Variants in NCCRP1 observed in about 807,000 individuals in gnomAD.
The protein encoded by NCCRP1 is NCCRP1, F-box associated domain containing.
NCCRP1 carries 32 observed loss-of-function variants against 34.4 expected under a neutral mutation model. The ratio of observed to expected loss-of-function variants is 0.93; its 90% confidence interval spans 0.70 to 1.25. The LOEUF is 1.25. NCCRP1 is among the 50% of genes most tolerant of loss of function. The pLI, the probability that NCCRP1 is intolerant of heterozygous loss-of-function variation, is 0.00. For missense variants in NCCRP1, 372 were observed against 391.8 expected, an observed-to-expected ratio of 0.95 and a Z score of 0.43; for synonymous variants, 172 against 180.1, an observed-to-expected ratio of 0.95 and a Z score of 0.36.
rs1385716377 is a variant in NCCRP1 at position 39,200,158 on chromosome 19, T to C, written c.549-188T>C. ...TTGGTGGCATGCCTGCCTCCCTCAC[T>C]GGACTGTGAATCCCATGTGGCAGGG... On this transcript the variant is annotated intron_variant, in intron 4 of 5. Coordinates refer to ENST00000339852, the MANE Select transcript of NCCRP1 (RefSeq NM_001001414.2). This position sits in a 1 kb window ranked among gnomAD's most constrained non-coding sequence, Gnocchi z 5.8. 6.6e-6 allele frequency among the ~76,000 whole-genome samples: 1 copy of C among 152,214 alleles called. No individual in the cohort carries two copies. The highest frequency in any genetic ancestry group is 1.5e-5 in the Non-Finnish European group (1 of 68,042).
chr19:39,198,088 C>A lies in NCCRP1; in HGVS notation c.373C>A (p.Pro125Thr). 4 of 1,614,116 alleles carry A rather than the reference C, an allele frequency of 2.5e-6. No homozygotes were observed. The highest frequency in any genetic ancestry group is 3.4e-6 in the Non-Finnish European group (4 of 1,180,034). Residue 125 changes from proline to threonine, a missense_variant, in exon 2 of 6, where the codon CCC (proline) becomes ACC (threonine). Physicochemically the swap from Pro to Thr is conservative, Grantham distance 38. Transcript: ENST00000339852. ...TTATGAGCCAGCACCCCCTACTGGT[C>A]CCACCCAGCGACCCCTGGAAACTCT... ...NIYEPAPPTG[P>T]TQRPLETLGN...
intron 3 of NCCRP1, 122 bp downstream of exon 3, chr19:39,198,375 T>C (rs1359420729): frequency 2.8e-6 from 3 of 1,084,676 alleles, no homozygotes; most frequent in Admixed American, 3.7e-5. Context: ...TAAACAGGGT[T>C]AGCATAAGAG....
At chr19:39,199,509 C>CTTTTTTT (rs150534648) in intron 4 of NCCRP1, among the ~76,000 whole-genome samples, 13 of 67,864 alleles carry the variant, frequency 1.9e-4, no homozygotes, top group African/African-American at 2.5e-4. Flanking sequence ...TTTTTTCTTT[C>CTTTTTTT]TTTTTTTTTT....
intron 3 of NCCRP1, 69 bp downstream of exon 3, chr19:39,198,322 G>A: frequency 6.5e-7 from 1 of 1,546,034 alleles, no homozygotes; most frequent in Non-Finnish European, 8.9e-7. Flanking sequence ...GTGAGACCTG[G>A]AGAAACTGAC....
In NCCRP1 at chr19:39,200,481, C is replaced by T. The variant is rs968503038; in HGVS notation, c.684C>T (p.Val228=). 2 of 1,612,474 alleles carry T rather than the reference C, an allele frequency of 1.2e-6. No individual in the cohort carries two copies. The highest frequency in any genetic ancestry group is 1.3e-5 in the African/African-American group (1 of 74,918). The change falls in exon 5 of 6, where the codon GTC becomes GTT. Residue 228 remains valine, a synonymous_variant. Transcript: ENST00000339852. The surrounding 1 kb of genome is among the most constrained non-coding windows in gnomAD (Gnocchi z 5.8). ...TSGRGPPGRW[V]QVSHVFRHYG... ...GGAGAGGACCCCCTGGCCGCTGGGT[C>T]CAGGTGAGACTCTCCGCGCCGGGGC...
rs2144929897 is a variant in NCCRP1, at chr19:39,197,205, G to A, written c.223G>A (p.Glu75Lys). 1 of 1,436,406 alleles carries A rather than the reference G, an allele frequency of 7.0e-7. No homozygotes were observed. Among genetic ancestry groups the A allele is most frequent in the Admixed American group, 3.1e-5 (1 of 32,512 alleles). The allele number at this position is 1,436,406 out of a possible 1,614,324, so 89.0% of individuals were successfully genotyped here. ...SEAHARQLLLEEWGPLSGGLE... is the reference protein window; with the variant it reads ...SEAHARQLLLKEWGPLSGGLE... Reference sequence around the variant, plus strand: ...GGCTCACGCCCGGCAGCTGCTGCTGGAGGAGTGGGGGCCGCTGAGCGGGGG... The same window carrying A: ...GGCTCACGCCCGGCAGCTGCTGCTGAAGGAGTGGGGGCCGCTGAGCGGGGG... The change falls in exon 1 of 6, where the codon GAG becomes AAG. Residue 75 changes from glutamate to lysine, a missense_variant. Coordinates refer to ENST00000339852, the MANE Select transcript of NCCRP1 (RefSeq NM_001001414.2).
rs1354092863 is a variant in NCCRP1 at position 39,201,780 on chromosome 19, G to A, written c.*1024G>A. 6.6e-6 allele frequency: 1 copy of A among 152,202 alleles called. No individual in the cohort carries two copies. The highest frequency in any genetic ancestry group is 2.4e-5 in the African/African-American group (1 of 41,434). The allele number at this position is 152,202 out of a possible 1,614,324, so 9.4% of individuals were successfully genotyped here. ...TCTATCAAAGTCCCTCATTCATGAG[G>A]GTGGTGAGGACACAGACTGCGACCA... On this transcript the variant is annotated 3_prime_UTR_variant, in exon 6 of 6. Coordinates refer to ENST00000339852, the MANE Select transcript of NCCRP1 (RefSeq NM_001001414.2).
In NCCRP1 at chr19:39,197,323, C is replaced by A; in HGVS notation, c.337+4C>A. 6.9e-7 allele frequency: 1 copy of A among 1,446,946 alleles called. No individual in the cohort carries two copies. The highest frequency in any genetic ancestry group is 2.8e-5 in the East Asian group (1 of 35,624). The allele number at this position is 1,446,946 out of a possible 1,614,324, so 89.6% of individuals were successfully genotyped here. ...CTGCGCTCGCCCAACCCCGAAGGTG[C>A]GCAAGGGCCCAGAGCAGCCAGGAGG... On this transcript the variant is annotated splice_donor_region_variant and intron_variant, in intron 1 of 5. Transcript: ENST00000339852.
intron 1 of NCCRP1, among the ~76,000 whole-genome samples, chr19:39,197,621 G>T (rs564953613): frequency 1.6e-4 from 25 of 152,142 alleles, no homozygotes; most frequent in Admixed American, 1.4e-3. Flanking sequence ...CTGTCGCCCA[G>T]GCTGGAATGC....
intron 3 of NCCRP1, 120 bp downstream of exon 3, chr19:39,198,373 G>T (rs2074772379): frequency 3.7e-6 from 4 of 1,093,930 alleles, no homozygotes; most frequent in East Asian, 4.8e-5. Context: ...TGTAAACAGG[G>T]TTAGCATAAG....
intron 3 of NCCRP1, among the ~76,000 whole-genome samples, chr19:39,198,608 C>T (rs531036598): frequency 1.3e-5 from 2 of 152,126 alleles, no homozygotes; most frequent in Admixed American, 1.3e-4. Flanking sequence ...TATAGGTGTG[C>T]GCCATCATGC....
chr19:39,201,343 C>G lies in NCCRP1; in HGVS notation c.*587C>G, dbSNP rs978631107. 2 of 149,202 alleles carry G rather than the reference C, an allele frequency of 1.3e-5. No homozygotes were observed. The highest frequency in any genetic ancestry group is 1.4e-4 in the Admixed American group (2 of 14,766). 9.2% of individuals were successfully genotyped at this position (149,202 alleles called of 1,614,324 possible). A position where few individuals can be genotyped will look rare whatever the true frequency, so the allele number is the denominator to read the frequency against. On this transcript the variant is annotated 3_prime_UTR_variant, in exon 6 of 6. Coordinates refer to ENST00000339852, the MANE Select transcript of NCCRP1 (RefSeq NM_001001414.2). ...TTTTTTTTTTTGAGATGGCATCTCA[C>G]TCTGTCACCCAGGCTGGAGTGTAGT...
intron 1 of NCCRP1, 95 bp downstream of exon 1, chr19:39,197,414 C>T (rs1260070344): frequency 2.8e-6 from 3 of 1,077,424 alleles, no homozygotes; most frequent in Non-Finnish European, 3.7e-6. Context: ...CTTTGTCTCT[C>T]TCTGTCTATG....
At position 39,200,526 on chromosome 19, in the gene NCCRP1, T is replaced by A; in HGVS notation, c.687+42T>A. ...CGGGGCCCTCAACCCCAGACGTGTG[T>A]TCTTGTCCCAAGACCTCACAGAGGG... On this transcript the variant is annotated intron_variant, in intron 5 of 5. Coordinates refer to ENST00000339852, the MANE Select transcript of NCCRP1 (RefSeq NM_001001414.2). This position sits in a 1 kb window ranked among gnomAD's most constrained non-coding sequence, Gnocchi z 5.8. 6.2e-7 allele frequency: 1 copy of A among 1,610,878 alleles called. No individual in the cohort carries two copies. Among genetic ancestry groups the A allele is most frequent in the Admixed American group, 1.7e-5 (1 of 59,828 alleles).
intron 4 of NCCRP1, 126 bp downstream of exon 4, chr19:39,199,391 G>C: frequency 2.6e-6 from 2 of 780,416 alleles, no homozygotes; most frequent in Admixed American, 2.2e-5. Flanking sequence ...ACAGGGTCCT[G>C]CCCTGCCCAC....
chr19:39,199,462 G>A (rs1035802923), intron 4 of NCCRP1, among the ~76,000 whole-genome samples, 197 bp downstream of exon 4: 2 of 149,910 alleles, frequency 1.3e-5, no homozygotes, highest in African/African-American at 2.5e-5. Flanking sequence ...GGTTACTGAG[G>A]CTGATCTTTA....
Position 39,199,079 on chromosome 19 carries a change from G to C in NCCRP1, c.453-91G>C. 5.6e-6 allele frequency: 7 copies of C among 1,245,092 alleles called. No individual in the cohort carries two copies. The South Asian group carries it at 7.3e-5, about 13-fold the overall frequency. 77.1% of individuals were successfully genotyped at this position (1,245,092 alleles called of 1,614,324 possible). ...GAGCACCCCACGTGTGGGGACCCAA[G>C]CTATCCCTAAGAAAGCACTAAGACA... On this transcript the variant is annotated intron_variant, in intron 3 of 5. Transcript: ENST00000339852.
chr19:39,197,015 T>C lies in NCCRP1; in HGVS notation c.33T>C (p.Gly11=). The C allele has an allele frequency of 1.3e-6, 2 of 1,535,396 alleles. No individual in the cohort carries two copies. The highest frequency in any genetic ancestry group is 4.9e-5 in the East Asian group (2 of 40,750). The change falls in exon 1 of 6, where the codon GGT becomes GGC. Residue 11 remains glycine, a synonymous_variant. Transcript: ENST00000339852. ...AGGTGCGTGAGGGACACGCGCTCGG[T>C]GGCGGGATGGAAGCCGATGGGCCCG... MEEVREGHAL[G]GGMEADGPAS... is the part of the protein sequence containing the mutation.
In NCCRP1 at chr19:39,197,154, C is replaced by T. The variant is rs780355502; in HGVS notation, c.172C>T (p.Leu58Phe). Residue 58 changes from leucine (L) to phenylalanine (F), a missense_variant, in exon 1 of 6, where the codon CTC becomes TTC. Coordinates refer to ENST00000339852, the MANE Select transcript of NCCRP1 (RefSeq NM_001001414.2). The part of the protein sequence containing the change: ...PSPAAPEAPE[L>F]PEPAQPSEAH... The stretch of plus-strand genomic sequence containing the variant: ...GCCCGCAGCCCCGGAGGCCCCCGAG[C>T]TCCCCGAGCCGGCGCAGCCGTCCGA... The T allele has an allele frequency of 2.8e-6, 4 of 1,452,686 alleles. No individual in the cohort carries two copies. Among genetic ancestry groups the T allele is most frequent in the Non-Finnish European group, 3.6e-6 (4 of 1,116,250 alleles). 90.0% of individuals were successfully genotyped at this position (1,452,686 alleles called of 1,614,324 possible).
Sources: gnomAD v4.1 joint callset for allele counts (sites outside exome capture counted in the v4.1 genomes callset) on GRCh38, gnomAD v4.1.1 for gene constraint, Gnocchi (gnomAD v3.1) non-coding constraint, MANE v1.5 for transcripts, NCBI Gene and HGNC (gene_info 2026-07-23, HGNC 2026-07-21) for gene names.